Variants in INA observed in about 807,000 individuals in gnomAD.
The protein encoded by INA is internexin neuronal intermediate filament protein alpha, also known as alpha-internexin.
Under a neutral mutation model 40.1 loss-of-function variants are expected in INA, and 35 were observed. The observed-to-expected ratio is 0.87, with a 90% CI of 0.67 to 1.16. INA has a LOEUF of 1.16. INA is among the 50% of genes most tolerant of loss of function. INA has a pLI of 0.00. For synonymous variants in INA, 290 were observed against 316.9 expected, an observed-to-expected ratio of 0.92 and a Z score of 0.90; for missense variants, 594 against 686.7, an observed-to-expected ratio of 0.87 and a Z score of 1.51.
At chr10:103,287,752 A>AT (rs1036435417) in intron 2 of INA, among the ~76,000 whole-genome samples, 4 of 150,532 alleles carry the variant, frequency 2.7e-5, no homozygotes, top group Non-Finnish European at 5.9e-5. Flanking sequence ...AAAAAAAAAA[A>AT]GGATAATTAA....
intron 1 of INA, among the ~76,000 whole-genome samples, chr10:103,284,710 C>T (rs1266949986): frequency 2.6e-5 from 4 of 151,090 alleles, no homozygotes; most frequent in African/African-American, 7.3e-5. Flanking sequence ...GCTGAGATTG[C>T]GCCACTGCAC....
Position 103,278,410 on chromosome 10 carries a change from C to T in INA, c.1065+134C>T. ...GAGAGAAGAGCCGCGGCTGGAGGCG[C>T]TGGTTAACAAAAAACCCTGGAGTCT... On this transcript the variant is annotated intron_variant, in intron 1 of 2. Transcript: ENST00000369849. This position sits in a 1 kb window ranked among gnomAD's most constrained non-coding sequence, Gnocchi z 4.9. 1.4e-6 allele frequency: 1 copy of T among 706,952 alleles called. No individual in the cohort carries two copies. Among genetic ancestry groups the T allele is most frequent in the Non-Finnish European group, 2.3e-6 (1 of 439,310 alleles). 43.8% of individuals were successfully genotyped at this position (706,952 alleles called of 1,614,324 possible). A position where few individuals can be genotyped will look rare whatever the true frequency, so the allele number is the denominator to read the frequency against.
At chr10:103,283,683 G>A (rs1467461960) in intron 1 of INA, among the ~76,000 whole-genome samples, 1 of 149,934 alleles carries the variant, frequency 6.7e-6, no homozygotes, top group Middle Eastern at 3.3e-3. Flanking sequence ...CACAAGGGGA[G>A]TTTCAAGGGC....
chr10:103,278,217 T>C lies in INA; in HGVS notation c.1006T>C (p.Leu336=), dbSNP rs779624055. ...GGGCCTGCGCGGGGCCAACGAGTCCTTGGAGAGGCAGATCCTGGAGCTGGA... is the reference window on the plus strand; with the variant it reads ...GGGCCTGCGCGGGGCCAACGAGTCCCTGGAGAGGCAGATCCTGGAGCTGGA... ...IEGLRGANES[L]ERQILELEER... Residue 336 remains leucine, a synonymous_variant, in exon 1 of 3, where the codon TTG becomes CTG. Coordinates refer to ENST00000369849, the MANE Select transcript of INA (RefSeq NM_032727.4). The surrounding 1 kb of genome is among the most constrained non-coding windows in gnomAD (Gnocchi z 4.9). The C allele has an allele frequency of 1.3e-6, 2 of 1,598,954 alleles. No homozygotes were observed. Among genetic ancestry groups the C allele is most frequent in the East Asian group, 2.3e-5 (1 of 44,102 alleles).
intron 1 of INA, chr10:103,280,482 A>C: frequency 1.0e-6 from 1 of 985,254 alleles, no homozygotes; most frequent in Non-Finnish European, 1.2e-6. Flanking sequence ...CTCTCATCTC[A>C]TCCCCACCTT....
chr10:103,277,384 C>G lies in INA; in HGVS notation c.173C>G (p.Ser58Trp). 6.4e-7 allele frequency: 1 copy of G among 1,561,242 alleles called. No homozygotes were observed. Among genetic ancestry groups the G allele is most frequent in the Non-Finnish European group, 8.6e-7 (1 of 1,160,926 alleles). The change falls in exon 1 of 3, where the codon TCG (serine) becomes TGG (tryptophan). Residue 58 changes from serine to tryptophan, a missense_variant. Coordinates refer to ENST00000369849, the MANE Select transcript of INA (RefSeq NM_032727.4). The surrounding 1 kb of genome is among the most constrained non-coding windows in gnomAD (Gnocchi z 5.6). Reference sequence around the variant, plus strand: ...TCCTCGGCCGCCTGCTCCTCGGCCTCGTCGCTCGGCCTCGGCCTGGCCTAT... The same window carrying G: ...TCCTCGGCCGCCTGCTCCTCGGCCTGGTCGCTCGGCCTCGGCCTGGCCTAT... ...VASSAACSSA[S>W]SLGLGLAYRR...
chr10:103,280,064 G>C, intron 1 of INA: 2 of 1,246,904 alleles, frequency 1.6e-6, no homozygotes, highest in South Asian at 2.7e-5. Flanking sequence ...GCTTGTTATA[G>C]CCCATACATT....
chr10:103,279,904 C>G (rs1289358504), intron 1 of INA: 4 of 1,283,070 alleles, frequency 3.1e-6, no homozygotes, highest in African/African-American at 1.5e-5. Flanking sequence ...CTGAATTAAT[C>G]ACATTTGGCT....
In INA at chr10:103,277,282, G is replaced by A. The variant is rs890210175; in HGVS notation, c.71G>A (p.Arg24His). The part of the protein sequence containing the change: ...SYRKVFGDGS[R>H]LSARLSGAGG... ...CGCAAGGTGTTCGGGGATGGCTCTCGCCTGTCCGCCCGCCTCTCTGGGGCC... is the reference window on the plus strand; with the variant it reads ...CGCAAGGTGTTCGGGGATGGCTCTCACCTGTCCGCCCGCCTCTCTGGGGCC... Residue 24 changes from arginine to histidine, a missense_variant, in exon 1 of 3, where the codon CGC (arginine) becomes CAC (histidine). This residue lies in a region of INA where 215 missense variants were observed against 190.6 expected (regional missense o/e 1.13). Coordinates refer to ENST00000369849, the MANE Select transcript of INA (RefSeq NM_032727.4). The surrounding 1 kb of genome is among the most constrained non-coding windows in gnomAD (Gnocchi z 5.6). 4 of 1,583,570 alleles carry A rather than the reference G, an allele frequency of 2.5e-6. No individual in the cohort carries two copies. The South Asian group carries it at 3.4e-5, about 13-fold the overall frequency.
rs1027152103 is a variant in INA, at chr10:103,278,769, C to G, written c.1065+493C>G. ...TCCTGAACTGGGAAGAGTCCTATCC[C>G]ATTTTCTTGACTTTCGCGCTCCAAA... On this transcript the variant is annotated intron_variant, in intron 1 of 2. Coordinates refer to ENST00000369849, the MANE Select transcript of INA (RefSeq NM_032727.4). The surrounding 1 kb of genome is among the most constrained non-coding windows in gnomAD (Gnocchi z 4.9). Among the ~76,000 whole-genome samples the G allele has an allele frequency of 6.6e-6, 1 of 151,902 alleles. No homozygotes were observed. The highest frequency in any genetic ancestry group is 1.5e-5 in the Non-Finnish European group (1 of 67,980).
intron 1 of INA, among the ~76,000 whole-genome samples, chr10:103,283,164 G>C (rs1365708758): frequency 1.3e-5 from 2 of 152,170 alleles, no homozygotes; most frequent in African/African-American, 4.8e-5. Context: ...TAGTGGCAGA[G>C]CAAAAACTGC....
At chr10:103,279,833 C>T (rs184355414) in intron 1 of INA, 1 of 685,962 alleles carries the variant, frequency 1.5e-6, no homozygotes, top group Non-Finnish European at 2.2e-6. Flanking sequence ...TAAGTACTTC[C>T]ATTTCTGCCT....
intron 2 of INA, among the ~76,000 whole-genome samples, chr10:103,287,956 A>G (rs1351987380): frequency 1.3e-5 from 2 of 152,292 alleles, no homozygotes; most frequent in East Asian, 1.9e-4. Flanking sequence ...GACAGTTTCT[A>G]CCACCTTTGT....
intron 1 of INA, among the ~76,000 whole-genome samples, chr10:103,283,645 A>T (rs929578739): frequency 2.7e-5 from 4 of 150,896 alleles, no homozygotes; most frequent in African/African-American, 9.8e-5. Context: ...TCTCAGCCCT[A>T]CCTTTCACCA....
chr10:103,288,299 T>G, intron 2 of INA, 61 bp from the exon 3 acceptor site: 1 of 1,404,984 alleles, frequency 7.1e-7, no homozygotes, highest in Non-Finnish European at 9.7e-7. Flanking sequence ...GATTGGAGGG[T>G]TGAGTTCTGG....
chr10:103,288,324 T>C, intron 2 of INA, 36 bp from the exon 3 acceptor site: 1 of 1,544,030 alleles, frequency 6.5e-7, no homozygotes, highest in Non-Finnish European at 8.7e-7. Context: ...GAAAAGTTAT[T>C]GACTTCCTAA....
Position 103,277,217 on chromosome 10 carries a change from C to T in INA, c.6C>T (p.Ser2=). M[S]FGSEHYLCSS... ...CCGGCCCCGATCCCGGCACCATGAG[C>T]TTCGGCTCGGAGCACTACCTGTGCT... The change falls in exon 1 of 3, where the codon AGC becomes AGT. Residue 2 remains serine, a synonymous_variant. Transcript: ENST00000369849. This position sits in a 1 kb window ranked among gnomAD's most constrained non-coding sequence, Gnocchi z 5.6. The T allele has an allele frequency of 1.3e-6, 2 of 1,578,676 alleles. No individual in the cohort carries two copies. Among genetic ancestry groups the T allele is most frequent in the South Asian group, 1.1e-5 (1 of 88,258 alleles).
At chr10:103,286,359 AAG>A (rs869207696) in intron 1 of INA, among the ~76,000 whole-genome samples, 9 of 151,262 alleles carry the variant, frequency 5.9e-5, no homozygotes, top group African/African-American at 1.9e-4. Flanking sequence ...AAAAAAAAAA[AAG>A]AATTCCTTCT....
rs373089269 is a variant in INA, at chr10:103,285,941, A to T, written c.1066-1094A>T. On this transcript the variant is annotated intron_variant, in intron 1 of 2. Coordinates refer to ENST00000369849, the MANE Select transcript of INA (RefSeq NM_032727.4). ...GTGAACTGAATCTTCTATGACAAGG[A>T]GTCGGCCATGTAAAGACCGGCATTT... Among the ~76,000 whole-genome samples, 35 of 152,104 alleles carry T rather than the reference A, an allele frequency of 2.3e-4. 1 individual carries two copies. In the East Asian group the frequency reaches 5.4e-3, roughly 23 times the overall value.
Sources: gnomAD v4.1 joint callset for allele counts (sites outside exome capture counted in the v4.1 genomes callset) on GRCh38, gnomAD v4.1.1 for gene constraint, gnomAD v4.1.1 regional missense constraint, Gnocchi (gnomAD v3.1) non-coding constraint, MANE v1.5 for transcripts, NCBI Gene and HGNC (gene_info 2026-07-23, HGNC 2026-07-21) for gene names.